The following EML6 variants were observed in gnomAD, a reference collection of about 807,000 sequenced individuals.
EML6 encodes the protein EMAP like 6.
A neutral mutation model predicts 240.1 loss-of-function variants in EML6; 154 were observed. The ratio of observed to expected loss-of-function variants is 0.64; its 90% CI spans 0.56 to 0.73. The LOEUF (loss-of-function observed/expected upper bound fraction) is 0.73, where lower values mean the gene tolerates loss of function less well. Ranked by LOEUF, EML6 falls within the 30% of genes least tolerant of loss-of-function variation. EML6 has a pLI of 0.00. For missense variants in EML6, 2,964 were observed against 2,474.6 expected, an observed-to-expected ratio of 1.20 and a Z score of -4.20; for synonymous variants, 1,148 against 899.0, an observed-to-expected ratio of 1.28 and a Z score of -4.95.
intron 2 of EML6, among the ~76,000 whole-genome samples, chr2:54,789,291 A>T (rs1572898298): frequency 6.6e-6 from 1 of 152,000 alleles, no homozygotes; most frequent in South Asian, 2.1e-4. Context: ...AGGCGGGCGG[A>T]TCACGAGGTC....
intron 2 of EML6, among the ~76,000 whole-genome samples, chr2:54,802,662 A>ACTACTGCTACTGCTACTG (rs921655681): frequency 2.7e-5 from 4 of 145,684 alleles, no homozygotes; most frequent in African/African-American, 1.1e-4. Flanking sequence ...TACTACTACT[A>ACTACTGCTACTGCTACTG]CTACTGCTAC....
In EML6 at chr2:54,960,250, G is replaced by T; in HGVS notation, c.4884G>T (p.Trp1628Cys). 1 of 1,551,554 alleles carries T rather than the reference G, an allele frequency of 6.4e-7. No individual in the cohort carries two copies. The highest frequency in any genetic ancestry group is 8.7e-7 in the Non-Finnish European group (1 of 1,146,932). Reference sequence around the variant, plus strand: ...AAGAAGGAGGTGCTGTAAAATTGTGGGACCAGGAGATGAAGCGCTGCCGGG... The same window carrying T: ...AAGAAGGAGGTGCTGTAAAATTGTGTGACCAGGAGATGAAGCGCTGCCGGG... ...PTKEGGAVKL[W>C]DQEMKRCRAF... Residue 1628 changes from tryptophan to cysteine, a missense_variant, in exon 35 of 42, where the codon TGG becomes TGT. By Grantham distance (215) the Trp-to-Cys change is radical (BLOSUM62 -2). Transcript: ENST00000356458.
In EML6 at chr2:54,799,774, AGAAATT is replaced by A. The variant is rs1164762063; in HGVS notation, c.198-13455_198-13450del. Among the ~76,000 whole-genome samples the A allele has an allele frequency of 9.3e-4, 142 of 152,240 alleles. 1 individual carries two copies. Among genetic ancestry groups the A allele is most frequent in the Non-Finnish European group, 3.8e-4 (26 of 68,046 alleles). On this transcript the variant is annotated intron_variant, in intron 2 of 41. Coordinates refer to ENST00000356458, the MANE Select transcript of EML6 (RefSeq NM_001039753.4). Reference sequence around the variant, plus strand: ...TTGCTGACCCCTTATATAATGGAAAAGAAATTGAGATTGGAGAGGTAAAATTAGCTC... The same window carrying A: ...TTGCTGACCCCTTATATAATGGAAAAGAGATTGGAGAGGTAAAATTAGCTC...
chr2:54,789,078 G>A (rs956054026), intron 2 of EML6, among the ~76,000 whole-genome samples: 1 of 151,916 alleles, frequency 6.6e-6, no homozygotes, highest in Non-Finnish European at 1.5e-5. Context: ...TCTTTCATGT[G>A]TTCTGTCTCT....
intron 2 of EML6, among the ~76,000 whole-genome samples, chr2:54,779,586 GT>G: frequency 6.6e-6 from 1 of 151,030 alleles, no homozygotes. Context: ...GGAGGGCCTG[GT>G]GTGGTAGCTT....
intron 2 of EML6, among the ~76,000 whole-genome samples, chr2:54,735,770 A>C (rs1044339389): frequency 2.6e-5 from 4 of 152,260 alleles, no homozygotes; most frequent in Non-Finnish European, 5.9e-5. Context: ...CTTTTAAGCA[A>C]CTTTTGAAAA....
intron 4 of EML6, among the ~76,000 whole-genome samples, chr2:54,819,850 T>C (rs892046653): frequency 2.0e-5 from 3 of 151,532 alleles, no homozygotes; most frequent in Non-Finnish European, 4.4e-5. Flanking sequence ...TACAATAGTA[T>C]GTTGGGTCAG....
chr2:54,777,023 G>T (rs908829938), intron 2 of EML6, among the ~76,000 whole-genome samples: 5 of 152,010 alleles, frequency 3.3e-5, no homozygotes, highest in African/African-American at 1.2e-4. Flanking sequence ...GTTTCATTAG[G>T]GTCTCTTTTT....
intron 2 of EML6, among the ~76,000 whole-genome samples, chr2:54,793,723 A>G (rs1669598769): frequency 6.6e-6 from 1 of 152,100 alleles, no homozygotes; most frequent in African/African-American, 2.4e-5. Context: ...GCTGGTGACT[A>G]CATAAGTGTT....
chr2:54,882,880 CT>C (rs1671910619), intron 17 of EML6: 1 of 32,674 alleles, frequency 3.1e-5, no homozygotes, highest in Admixed American at 3.3e-4. Context: ...AAAAAGAAAG[CT>C]TAGGGACACA....
chr2:54,934,881 G>A (rs1463428800), intron 28 of EML6, among the ~76,000 whole-genome samples: 1 of 152,082 alleles, frequency 6.6e-6, no homozygotes, highest in Non-Finnish European at 1.5e-5. Context: ...ATCTCAAACT[G>A]ATACTTGAAT....
At chr2:54,915,486 A>G (rs1285733268) in intron 25 of EML6, among the ~76,000 whole-genome samples, 1 of 152,086 alleles carries the variant, frequency 6.6e-6, no homozygotes, top group Non-Finnish European at 1.5e-5. Flanking sequence ...AGGGACTCCA[A>G]TTCTAAAACT....
At position 54,957,992 on chromosome 2, in the gene EML6, C is replaced by T. The variant is rs1013720837; in HGVS notation, c.4689C>T (p.Phe1563=). Residue 1563 remains phenylalanine (F), a synonymous_variant, in exon 33 of 42, where the codon TTC becomes TTT. Coordinates refer to ENST00000356458, the MANE Select transcript of EML6 (RefSeq NM_001039753.4). Reference sequence around the variant, plus strand: ...TGCAGACGATGCTCTCCGTGGCCTTCGGTGCTGTGAGTTCTAGCAGATACT... The same window carrying T: ...TGCAGACGATGCTCTCCGTGGCCTTTGGTGCTGTGAGTTCTAGCAGATACT... The part of the protein sequence containing the change: ...AKMQTMLSVA[F]GANNLTFTGA... 1.4e-5 allele frequency: 21 copies of T among 1,549,760 alleles called. No homozygotes were observed. Among genetic ancestry groups the T allele is most frequent in the African/African-American group, 2.7e-5 (2 of 72,968 alleles).
At chr2:54,906,177 T>C (rs1174654465) in intron 24 of EML6, among the ~76,000 whole-genome samples, 1 of 152,256 alleles carries the variant, frequency 6.6e-6, no homozygotes, top group African/African-American at 2.4e-5. Flanking sequence ...CTCCACATCT[T>C]TGCCAAAGCT....
At chr2:54,913,575 A>G (rs1022643344) in intron 25 of EML6, among the ~76,000 whole-genome samples, 4 of 152,160 alleles carry the variant, frequency 2.6e-5, no homozygotes. Flanking sequence ...ATAGTTTGCA[A>G]ATACTTTCTC....
intron 9 of EML6, 71 bp downstream of exon 9, chr2:54,847,694 A>G (rs1305731436): frequency 1.3e-6 from 2 of 1,506,774 alleles, no homozygotes; most frequent in African/African-American, 1.4e-5. Flanking sequence ...CCTGGTCATA[A>G]TACATGCTAG....
intron 28 of EML6, among the ~76,000 whole-genome samples, chr2:54,945,469 C>G (rs142387803): frequency 6.6e-6 from 1 of 152,142 alleles, no homozygotes; most frequent in Non-Finnish European, 1.5e-5. Flanking sequence ...CTAGTTGGAA[C>G]TGAGTTTCCC....
chr2:54,893,584 T>A (rs1573088561), intron 19 of EML6, among the ~76,000 whole-genome samples: 1 of 152,192 alleles, frequency 6.6e-6, no homozygotes, highest in East Asian at 1.9e-4. Context: ...ATTTAAACCA[T>A]AGCACCTTCA....
At chr2:54,869,156 T>C (rs1671125604) in intron 14 of EML6, 25 bp from the exon 15 acceptor site, 1 of 1,504,094 alleles carries the variant, frequency 6.6e-7, no homozygotes, top group Admixed American at 2.0e-5. Context: ...TCAACCACTA[T>C]GCATTTCTTG....
Sources: gnomAD v4.1 joint callset for allele counts (sites outside exome capture counted in the v4.1 genomes callset) on GRCh38, gnomAD v4.1.1 for gene constraint, MANE v1.5 for transcripts, NCBI Gene and HGNC (gene_info 2026-07-23, HGNC 2026-07-21) for gene names.